The following RIMS1 variants were observed in gnomAD, a reference collection of about 807,000 sequenced individuals.
RIMS1 encodes regulating synaptic membrane exocytosis protein 1.
A neutral mutation model predicts 214.1 loss-of-function variants in RIMS1; 83 were observed. The ratio of observed to expected loss-of-function variants is 0.39; its 90% CI spans 0.32 to 0.47. The LOEUF is 0.47. RIMS1 is among the 20% of genes least tolerant of loss of function. The pLI is 0.99. For synonymous variants in RIMS1, 793 were observed against 786.8 expected (o/e 1.01, Z -0.13); for missense variants, 2,050 against 2,161.8 (o/e 0.95, Z 1.03).
intron 4 of RIMS1, among the ~76,000 whole-genome samples, chr6:72,123,371 T>A (rs1161138873): frequency 6.6e-6 from 1 of 151,932 alleles, no homozygotes; most frequent in African/African-American, 2.4e-5. Context: ...TTACATTTGC[T>A]GAGGACTGCT....
At chr6:72,274,544 G>C (rs1159124995) in intron 23 of RIMS1, 112 bp downstream of exon 23, 26 of 790,230 alleles carry the variant, frequency 3.3e-5, no homozygotes, top group East Asian at 5.3e-5. Context: ...CCAGGAGCCA[G>C]AGCCAGATAT....
chr6:72,357,725 C>T (rs62407522), intron 29 of RIMS1, among the ~76,000 whole-genome samples: 31,050 of 152,140 alleles, frequency 0.2, 3,731 homozygotes, highest in South Asian at 0.27. Context: ...TTTTTACATA[C>T]ATATGATATT....
intron 4 of RIMS1, among the ~76,000 whole-genome samples, chr6:72,105,134 A>T (rs1002947100): frequency 6.6e-6 from 1 of 152,018 alleles, no homozygotes; most frequent in Non-Finnish European, 1.5e-5. Flanking sequence ...GGGCCTTCCT[A>T]TGTTGCCAAT....
intron 4 of RIMS1, among the ~76,000 whole-genome samples, chr6:72,108,656 C>T (rs1172600552): frequency 6.6e-6 from 1 of 151,850 alleles, no homozygotes; most frequent in Non-Finnish European, 1.5e-5. Context: ...TTTCCTCTAA[C>T]TTTGAAACTT....
chr6:72,010,203 A>G (rs560449024), intron 2 of RIMS1, among the ~76,000 whole-genome samples: 1 of 152,332 alleles, frequency 6.6e-6, no homozygotes, highest in African/African-American at 2.4e-5. Flanking sequence ...GTAATCCAGC[A>G]TATAAACAGA....
chr6:71,919,266 G>A (rs927649690), intron 1 of RIMS1, among the ~76,000 whole-genome samples: 1 of 152,058 alleles, frequency 6.6e-6, no homozygotes, highest in Non-Finnish European at 1.5e-5. Flanking sequence ...AACTAATAGA[G>A]ATTCAGTCAA....
chr6:71,998,781 C>T (rs181452737), intron 2 of RIMS1, among the ~76,000 whole-genome samples: 9 of 152,260 alleles, frequency 5.9e-5, no homozygotes, highest in Admixed American at 3.9e-4. Flanking sequence ...CAAGGAGCTC[C>T]TCATTTCCTT....
At chr6:72,275,755 G>C (rs2086042956) in intron 23 of RIMS1, among the ~76,000 whole-genome samples, 2 of 152,100 alleles carry the variant, frequency 1.3e-5, no homozygotes, top group Admixed American at 1.3e-4. Context: ...AAATAATTGT[G>C]TAAATTCAAT....
At chr6:72,227,755 C>G (rs752197730) in intron 6 of RIMS1, among the ~76,000 whole-genome samples, 3 of 151,770 alleles carry the variant, frequency 2.0e-5, no homozygotes, top group Admixed American at 6.6e-5. Flanking sequence ...TCATTGAGTA[C>G]GAATATTTTC....
intron 2 of RIMS1, among the ~76,000 whole-genome samples, chr6:72,090,992 G>A (rs1836073986): frequency 6.6e-6 from 1 of 152,172 alleles, no homozygotes; most frequent in Admixed American, 6.5e-5. Context: ...ATGTGCTAAG[G>A]TTGACGAAGG....
chr6:71,992,049 A>G (rs1801728988), intron 2 of RIMS1, among the ~76,000 whole-genome samples: 1 of 152,166 alleles, frequency 6.6e-6, no homozygotes, highest in Non-Finnish European at 1.5e-5. Context: ...CAGCAACAAG[A>G]GTGAAACTCC....
At chr6:72,301,435 C>T (rs1364084642) in intron 26 of RIMS1, among the ~76,000 whole-genome samples, 1 of 151,634 alleles carries the variant, frequency 6.6e-6, no homozygotes, top group Non-Finnish European at 1.5e-5. Flanking sequence ...TAAAACATTG[C>T]AGTTGGCCCA....
At chr6:71,968,059 C>T (rs533519162) in intron 1 of RIMS1, among the ~76,000 whole-genome samples, 2 of 152,168 alleles carry the variant, frequency 1.3e-5, no homozygotes, top group Admixed American at 6.5e-5. Flanking sequence ...TATTTGAAGC[C>T]TTCTGGATCC....
intron 2 of RIMS1, among the ~76,000 whole-genome samples, chr6:72,084,523 G>A (rs2463750): frequency 2.3e-3 from 350 of 152,226 alleles, no homozygotes; most frequent in Middle Eastern, 0.01. Context: ...TCTAGAAACA[G>A]TATTTCTAGG....
At chr6:72,035,743 A>G (rs1819454613) in intron 2 of RIMS1, among the ~76,000 whole-genome samples, 5 of 152,152 alleles carry the variant, frequency 3.3e-5, no homozygotes, top group Admixed American at 3.3e-4. Context: ...GTAGCTTTCC[A>G]CTTCAGTTCT....
At chr6:72,055,742 TTA>T (rs1347942272) in intron 2 of RIMS1, among the ~76,000 whole-genome samples, 2 of 152,200 alleles carry the variant, frequency 1.3e-5, no homozygotes, top group Non-Finnish European at 2.9e-5. Flanking sequence ...CGAATGGCTA[TTA>T]TTAAACGTGA....
In RIMS1 at chr6:72,223,907, C is replaced by T. The variant is rs557284549; in HGVS notation, c.1679-9866C>T. ...AGTTTGCAGTGAGCCGAGATCGCGC[C>T]ACTGCACTCCAGCCTGGGTGACAGA... On this transcript the variant is annotated intron_variant, in intron 6 of 33. Transcript: ENST00000521978. Among the ~76,000 whole-genome samples, 243 of 140,462 alleles carry T rather than the reference C, an allele frequency of 1.7e-3. 2 individuals carry two copies. The highest frequency in any genetic ancestry group is 6.1e-3 in the African/African-American group (222 of 36,638). 92.1% of individuals were successfully genotyped at this position (140,462 alleles called of 152,430 possible). A position where few individuals can be genotyped will look rare whatever the true frequency, so the allele number is the denominator to read the frequency against.
At chr6:72,104,486 A>C (rs577002114) in intron 4 of RIMS1, among the ~76,000 whole-genome samples, 1 of 152,302 alleles carries the variant, frequency 6.6e-6, no homozygotes, top group Admixed American at 6.5e-5. Context: ...ACTCAACAGC[A>C]GTTACTTATA....
chr6:72,400,558 C>T lies in RIMS1; in HGVS notation c.4923C>T (p.Ile1641=), dbSNP rs144188801. 670 of 1,614,022 alleles carry T rather than the reference C, an allele frequency of 4.2e-4. 1 individual carries two copies. In the African/African-American group the frequency reaches 7.6e-3, roughly 18 times the overall value. The stretch of plus-strand genomic sequence containing the variant: ...AATGCTTTATGGGTGTGGCTCAGAT[C>T]TTGTTGGAAGAACTCGACCTGTCCA... ...DHKCFMGVAQ[I]LLEELDLSSM... The change falls in exon 34 of 34, where the codon ATC becomes ATT. Residue 1641 remains isoleucine (I), a synonymous_variant. Coordinates refer to ENST00000521978, the MANE Select transcript of RIMS1 (RefSeq NM_014989.7).
Sources: allele counts gnomAD v4.1 joint callset (sites outside exome capture counted in the v4.1 genomes callset), GRCh38; gene constraint gnomAD v4.1.1; transcripts MANE v1.5; gene names NCBI Gene and HGNC (gene_info 2026-07-23, HGNC 2026-07-21).